Variants in SORCS2 observed in about 807,000 individuals in gnomAD.
The protein encoded by SORCS2 is VPS10 domain-containing receptor SorCS2.
SORCS2 carries 100 observed loss-of-function variants against 141.6 expected under a neutral mutation model. That is an observed-to-expected ratio of 0.71 (90% CI 0.60 to 0.83). The LOEUF (loss-of-function observed/expected upper bound fraction) is 0.83, where lower values mean the gene tolerates loss of function less well. SORCS2 is among the 40% of genes least tolerant of loss of function. SORCS2 has a pLI of 0.00. For synonymous variants in SORCS2, 789 were observed against 676.9 expected, an observed-to-expected ratio of 1.17 and a Z score of -2.57; for missense variants, 1,646 against 1,560.2, an observed-to-expected ratio of 1.05 and a Z score of -0.93.
chr4:7,681,060 TTGAA>T (rs1472278141), intron 9 of SORCS2, among the ~76,000 whole-genome samples: 2 of 152,210 alleles, frequency 1.3e-5, no homozygotes, highest in African/African-American at 4.8e-5. Flanking sequence ...ACTTTTGACT[TTGAA>T]TGAATGCTGT....
chr4:7,246,132 G>A (rs538440658), intron 1 of SORCS2, among the ~76,000 whole-genome samples: 1 of 152,322 alleles, frequency 6.6e-6, no homozygotes, highest in South Asian at 2.1e-4. Context: ...TGCAATTTCA[G>A]TCCTGGGTGA....
intron 2 of SORCS2, among the ~76,000 whole-genome samples, chr4:7,515,452 A>G (rs4487342): frequency 0.66 from 100,313 of 151,970 alleles, 33,663 homozygotes; most frequent in East Asian, 0.97. Context: ...GCAAGCTGGT[A>G]CCTTCTCAGA....
At chr4:7,567,601 C>T (rs776730445) in intron 3 of SORCS2, among the ~76,000 whole-genome samples, 5 of 152,174 alleles carry the variant, frequency 3.3e-5, no homozygotes, top group Non-Finnish European at 7.3e-5. Flanking sequence ...TTGACACTGA[C>T]CCTTGTCACT....
chr4:7,543,594 T>TTCCA (rs1187758359), intron 3 of SORCS2, among the ~76,000 whole-genome samples: 1 of 98,750 alleles, frequency 1.0e-5, no homozygotes, highest in Non-Finnish European at 2.1e-5. Context: ...CATCCATCCA[T>TTCCA]TCCATCCATC....
At position 7,737,148 on chromosome 4, in the gene SORCS2, G is replaced by C; in HGVS notation, c.3391G>C (p.Glu1131Gln). Reference sequence around the variant, plus strand: ...GATGACCAGCCCTGTGAGTCACAGTGAGGACGTCCAGGGCGCTGTCCAGGG... The same window carrying C: ...GATGACCAGCCCTGTGAGTCACAGTCAGGACGTCCAGGGCGCTGTCCAGGG... ...QEMTSPVSHS[E>Q]DVQGAVQGNH... The change falls in exon 26 of 27, where the codon GAG becomes CAG. Residue 1131 changes from glutamate to glutamine, a missense_variant. Transcript: ENST00000507866. The C allele has an allele frequency of 6.4e-7, 1 of 1,551,374 alleles. No homozygotes were observed. The highest frequency in any genetic ancestry group is 8.7e-7 in the Non-Finnish European group (1 of 1,146,932).
At chr4:7,667,588 G>A (rs1722577290) in intron 8 of SORCS2, among the ~76,000 whole-genome samples, 1 of 152,142 alleles carries the variant, frequency 6.6e-6, no homozygotes, top group Admixed American at 6.5e-5. Context: ...TGCCCAGGGT[G>A]CCAGGGACCC....
At chr4:7,278,228 C>T (rs1344579712) in intron 1 of SORCS2, among the ~76,000 whole-genome samples, 2 of 152,178 alleles carry the variant, frequency 1.3e-5, no homozygotes, top group Non-Finnish European at 2.9e-5. Context: ...GCTGCATGGG[C>T]ATCACAGCCT....
chr4:7,378,029 A>T (rs969057824), intron 1 of SORCS2, among the ~76,000 whole-genome samples: 1 of 152,154 alleles, frequency 6.6e-6, no homozygotes, highest in African/African-American at 2.4e-5. Flanking sequence ...ATGAAGAAGG[A>T]TATATGGTTT....
chr4:7,639,022 CG>C (rs945041096), intron 4 of SORCS2, among the ~76,000 whole-genome samples: 10 of 151,934 alleles, frequency 6.6e-5, no homozygotes, highest in African/African-American at 1.9e-4. Flanking sequence ...AGTGGGGGAG[CG>C]GGGGGCCAGC....
chr4:7,488,568 C>T (rs951231066), intron 2 of SORCS2, among the ~76,000 whole-genome samples: 3 of 152,240 alleles, frequency 2.0e-5, no homozygotes, highest in African/African-American at 4.8e-5. Context: ...TCCTCCACAG[C>T]GACTTTCCCA....
At chr4:7,417,578 C>T (rs1039134836) in intron 2 of SORCS2, among the ~76,000 whole-genome samples, 6 of 152,166 alleles carry the variant, frequency 3.9e-5, no homozygotes, top group African/African-American at 1.2e-4. Flanking sequence ...GTTCTCCCAC[C>T]TTTAAAACGG....
rs777328355 is a variant in SORCS2, at chr4:7,676,147, G to T, written c.1259G>T (p.Arg420Leu). Residue 420 changes from arginine to leucine, a missense_variant, in exon 9 of 27, where the codon CGG (arginine) becomes CTG (leucine). Physicochemically the swap from Arg to Leu is moderately radical, Grantham distance 102. Coordinates refer to ENST00000507866, the MANE Select transcript of SORCS2 (RefSeq NM_020777.3). ...TACAACCTGTACCAGTCGGACCCAC[G>T]GGGCGTGCGCTACGCGCTGGTGCTG... Reference protein sequence around the residue: ...DTYNLYQSDPRGVRYALVLQD... With the variant: ...DTYNLYQSDPLGVRYALVLQD... The T allele has an allele frequency of 1.9e-6, 3 of 1,567,970 alleles. No individual in the cohort carries two copies. Among genetic ancestry groups the T allele is most frequent in the Admixed American group, 3.7e-5 (2 of 53,462 alleles).
In SORCS2 at chr4:7,704,240, G is replaced by A. The variant is rs1247041287; in HGVS notation, c.1824G>A (p.Val608=). ...ACTTCACCAGCACCTCGGTGTTTGT[G>A]GACGGGCTGCTGAGTGAGCCAGGGG... is the stretch of plus-strand genomic sequence containing the variant. ...THNFTSTSVF[V]DGLLSEPGDE... Residue 608 remains valine, a synonymous_variant, in exon 14 of 27, where the codon GTG becomes GTA. Coordinates refer to ENST00000507866, the MANE Select transcript of SORCS2 (RefSeq NM_020777.3). 1 of 1,613,024 alleles carries A rather than the reference G, an allele frequency of 6.2e-7. No individual in the cohort carries two copies. The highest frequency in any genetic ancestry group is 2.2e-5 in the East Asian group (1 of 44,852).
chr4:7,210,729 G>T (rs62292389), intron 1 of SORCS2, among the ~76,000 whole-genome samples: 19,238 of 152,224 alleles, frequency 0.13, 1,430 homozygotes, highest in East Asian at 0.21. Context: ...GTGCCCACCT[G>T]ATGAGACTGA....
intron 1 of SORCS2, among the ~76,000 whole-genome samples, chr4:7,346,591 T>G (rs533649071): frequency 2.0e-5 from 3 of 152,388 alleles, no homozygotes; most frequent in South Asian, 2.1e-4. Context: ...GAGCTACTGA[T>G]CTTCCACCTA....
rs1283204030 is a variant in SORCS2 at position 7,676,799 on chromosome 4, TTCTG to T, written c.1341+574_1341+577del. ...CCCTCTGTGTGTCTGAAGTCTGCCT[TTCTG>T]TCTCTCTCTCTCTCTCTCTCTCTCT... On this transcript the variant is annotated intron_variant, in intron 9 of 26. Coordinates refer to ENST00000507866, the MANE Select transcript of SORCS2 (RefSeq NM_020777.3). Among the ~76,000 whole-genome samples, 11 of 32,256 alleles carry T rather than the reference TTCTG, an allele frequency of 3.4e-4. 1 individual carries two copies. Among genetic ancestry groups the T allele is most frequent in the African/African-American group, 5.4e-4 (4 of 7,444 alleles). 21.2% of individuals were successfully genotyped at this position (32,256 alleles called of 152,430 possible).
intron 1 of SORCS2, among the ~76,000 whole-genome samples, chr4:7,294,685 TCCC>T (rs1380263933): frequency 2.8e-5 from 1 of 36,084 alleles, no homozygotes; most frequent in Non-Finnish European, 5.4e-5. Context: ...CTCCTCCTCC[TCCC>T]CCTCATCCTC....
intron 1 of SORCS2, among the ~76,000 whole-genome samples, chr4:7,298,726 T>C (rs560888044): frequency 1.2e-4 from 19 of 152,324 alleles, no homozygotes; most frequent in African/African-American, 4.6e-4. Flanking sequence ...GCGGGGCTCA[T>C]GTCCATGCTA....
chr4:7,395,052 G>C (rs1455264326), intron 1 of SORCS2, among the ~76,000 whole-genome samples: 3 of 152,238 alleles, frequency 2.0e-5, no homozygotes, highest in Non-Finnish European at 4.4e-5. Context: ...GAGCTGACAA[G>C]AGAAAATCGC....
Sources: allele counts gnomAD v4.1 joint callset (sites outside exome capture counted in the v4.1 genomes callset), GRCh38; gene constraint gnomAD v4.1.1; transcripts MANE v1.5; gene names NCBI Gene and HGNC (gene_info 2026-07-23, HGNC 2026-07-21).